The following MALRD1 variants were observed in gnomAD, a reference collection of about 807,000 sequenced individuals.
MALRD1 encodes MAM and LDL receptor class A domain containing 1, also known as MAM and LDL-receptor class A domain-containing protein 1.
Under a neutral mutation model 242.1 loss-of-function variants are expected in MALRD1, and 247 were observed. The ratio of observed to expected loss-of-function variants is 1.02; its 90% CI spans 0.92 to 1.13. The LOEUF is 1.13. Ranked by LOEUF, MALRD1 falls within the 50% of genes most tolerant of loss-of-function variation. MALRD1 has a pLI of 0.00. For synonymous variants in MALRD1, 995 were observed against 866.6 expected (o/e 1.15, Z -2.60); for missense variants, 2,989 against 2,533.1 (o/e 1.18, Z -3.86).
At chr10:19,581,121 T>C (rs1458522471) in intron 33 of MALRD1, among the ~76,000 whole-genome samples, 1 of 152,200 alleles carries the variant, frequency 6.6e-6, no homozygotes, top group African/African-American at 2.4e-5. Flanking sequence ...CACAAAGTTA[T>C]AATTCACAAT....
chr10:19,544,601 T>C (rs756091959), intron 32 of MALRD1, among the ~76,000 whole-genome samples: 36 of 152,242 alleles, frequency 2.4e-4, no homozygotes, highest in South Asian at 4.2e-4. Context: ...GAATTTTTAT[T>C]GTCTATTAAA....
chr10:19,712,417 TTAAC>T (rs1834170827), intron 38 of MALRD1, among the ~76,000 whole-genome samples: 1 of 152,220 alleles, frequency 6.6e-6, no homozygotes, highest in Non-Finnish European at 1.5e-5. Context: ...TCAGAACAGT[TTAAC>T]TAAATGTATT....
At chr10:19,105,680 G>A (rs779775866) in intron 5 of MALRD1, among the ~76,000 whole-genome samples, 6 of 151,818 alleles carry the variant, frequency 4.0e-5, no homozygotes, top group South Asian at 2.1e-4. Context: ...ATCCACATCC[G>A]AACCAGCATT....
chr10:19,598,474 A>G (rs551127894), intron 34 of MALRD1: 1 of 138,178 alleles, frequency 7.2e-6, no homozygotes, highest in East Asian at 2.1e-4. Flanking sequence ...TTTTTTAATT[A>G]AAAAAAAAAA....
At chr10:19,216,122 T>TC (rs1428684510) in intron 18 of MALRD1, among the ~76,000 whole-genome samples, 12 of 145,706 alleles carry the variant, frequency 8.2e-5, no homozygotes, top group Admixed American at 2.0e-4. Context: ...TTTCTTTCTT[T>TC]TTTTTTTTTT....
chr10:19,316,590 A>C lies in MALRD1; in HGVS notation c.3420-7359A>C, dbSNP rs1263977964. Among the ~76,000 whole-genome samples the C allele has an allele frequency of 2.6e-5, 4 of 151,892 alleles. No individual in the cohort carries two copies. The East Asian group carries it at 7.7e-4, about 29-fold the overall frequency. ...GTGGGTCAGGGACTTTTATCATCAC[A>C]CAATGGGGTTGGTAGTGGGAATGGG... On this transcript the variant is annotated intron_variant, in intron 21 of 39. Transcript: ENST00000454679.
At position 19,196,528 on chromosome 10, in the gene MALRD1, C is replaced by T. The variant is rs1836259012; in HGVS notation, c.1952-7200C>T. ...ACTTGGCTCTCATGGCATGGGGCAC[C>T]ACTCTTTGTTTTTTTTTTTTTTTTC... On this transcript the variant is annotated intron_variant, in intron 14 of 39. Coordinates refer to ENST00000454679, the MANE Select transcript of MALRD1 (RefSeq NM_001142308.3). Among the ~76,000 whole-genome samples, 12 of 114,644 alleles carry T rather than the reference C, an allele frequency of 1.0e-4. No homozygotes were observed. In the South Asian group the frequency reaches 3.5e-3, roughly 34 times the overall value. The allele number at this position is 114,644 out of a possible 152,430, so 75.2% of individuals were successfully genotyped here.
intron 36 of MALRD1, among the ~76,000 whole-genome samples, chr10:19,689,492 C>A (rs1370034379): frequency 1.3e-5 from 2 of 151,920 alleles, no homozygotes. Context: ...AAAATGCACT[C>A]CCTTTTGGAT....
At chr10:19,636,600 A>G (rs962967823) in intron 36 of MALRD1, among the ~76,000 whole-genome samples, 2 of 152,170 alleles carry the variant, frequency 1.3e-5, no homozygotes, top group African/African-American at 4.8e-5. Flanking sequence ...GTTGAAATGT[A>G]TTTCAACCAG....
At chr10:19,477,344 A>G (rs1836784086) in intron 29 of MALRD1, among the ~76,000 whole-genome samples, 1 of 152,174 alleles carries the variant, frequency 6.6e-6, no homozygotes, top group Admixed American at 6.5e-5. Context: ...AAAGATCCAA[A>G]GTAATTGAAT....
At chr10:19,380,490 A>C (rs1023802099) in intron 26 of MALRD1, among the ~76,000 whole-genome samples, 2 of 151,868 alleles carry the variant, frequency 1.3e-5, no homozygotes, top group African/African-American at 4.8e-5. Flanking sequence ...TTTCTTTTAA[A>C]AGTGTTTGGA....
intron 14 of MALRD1, among the ~76,000 whole-genome samples, chr10:19,192,044 A>T (rs562178973): frequency 1.3e-5 from 2 of 152,250 alleles, no homozygotes; most frequent in South Asian, 2.1e-4. Context: ...ATAAAAAAAA[A>T]ACTTGAGGAC....
intron 28 of MALRD1, among the ~76,000 whole-genome samples, chr10:19,437,863 G>C (rs1385167856): frequency 1.3e-5 from 2 of 151,928 alleles, no homozygotes; most frequent in Admixed American, 6.6e-5. Flanking sequence ...ATTCATTTAA[G>C]CTTTTTTTCT....
chr10:19,080,014 C>T (rs187315878), intron 2 of MALRD1, among the ~76,000 whole-genome samples: 1 of 152,058 alleles, frequency 6.6e-6, no homozygotes, highest in East Asian at 1.9e-4. Flanking sequence ...AACTTCCATT[C>T]ACAGTTGCTA....
chr10:19,601,129 G>A (rs148802355), intron 34 of MALRD1, among the ~76,000 whole-genome samples: 19 of 152,136 alleles, frequency 1.2e-4, no homozygotes, highest in Admixed American at 3.3e-4. Context: ...TGATCCTGCC[G>A]CCTTGGTCTC....
chr10:19,728,581 C>G (rs1835149430), intron 38 of MALRD1: 2 of 152,216 alleles, frequency 1.3e-5, no homozygotes, highest in African/African-American at 4.8e-5. Flanking sequence ...ACCATCTGTC[C>G]TGTCTAGCCC....
intron 18 of MALRD1, among the ~76,000 whole-genome samples, chr10:19,237,204 C>A (rs1403756071): frequency 1.3e-5 from 2 of 151,676 alleles, no homozygotes; most frequent in African/African-American, 4.8e-5. Context: ...ACTATAGTCA[C>A]CCTGCTTTGC....
chr10:19,575,068 G>A (rs1836740645), intron 33 of MALRD1, among the ~76,000 whole-genome samples: 1 of 152,120 alleles, frequency 6.6e-6, no homozygotes, highest in Admixed American at 6.5e-5. Context: ...AGAAAATACT[G>A]CTATAATGAT....
At chr10:19,343,295 A>T (rs186012561) in intron 24 of MALRD1, among the ~76,000 whole-genome samples, 73 of 152,250 alleles carry the variant, frequency 4.8e-4, no homozygotes, top group Admixed American at 5.2e-4. Flanking sequence ...GCAGAAAAAT[A>T]CTATGTACCC....
Sources: allele counts gnomAD v4.1 joint callset (sites outside exome capture counted in the v4.1 genomes callset), GRCh38; gene constraint gnomAD v4.1.1; transcripts MANE v1.5; gene names NCBI Gene and HGNC (gene_info 2026-07-23, HGNC 2026-07-21).